The following SH3BP4 variants were observed in gnomAD, a reference collection of about 807,000 sequenced individuals.
The protein encoded by SH3BP4 is SH3 domain binding protein 4, also known as SH3 domain-binding protein 4.
Under a neutral mutation model 65.5 loss-of-function variants are expected in SH3BP4, and 33 were observed. The ratio of observed to expected loss-of-function variants is 0.50; its 90% CI spans 0.38 to 0.67. The LOEUF (loss-of-function observed/expected upper bound fraction) is 0.67. SH3BP4 is among the 30% of genes least tolerant of loss of function. SH3BP4 has a pLI of 0.00. For missense variants in SH3BP4, 1,134 were observed against 1,261.4 expected (o/e 0.90, Z 1.53); for synonymous variants, 552 against 545.5 (o/e 1.01, Z -0.17).
At chr2:235,036,858 A>G (rs1484304282) in intron 3 of SH3BP4, among the ~76,000 whole-genome samples, 1 of 152,112 alleles carries the variant, frequency 6.6e-6, no homozygotes, top group Non-Finnish European at 1.5e-5. Context: ...GGAGGAGGAC[A>G]GCCTCAAACA....
At chr2:235,018,027 C>T (rs557258610) in intron 2 of SH3BP4, among the ~76,000 whole-genome samples, 2 of 152,072 alleles carry the variant, frequency 1.3e-5, no homozygotes, top group Non-Finnish European at 2.9e-5. Flanking sequence ...GGGGCCCTGG[C>T]AGATCTCCAT....
At position 235,045,111 on chromosome 2, in the gene SH3BP4, G is replaced by T. The variant is rs1246764075; in HGVS notation, c.2478+1864G>T. Among the ~76,000 whole-genome samples, 1 of 152,176 alleles carries T rather than the reference G, an allele frequency of 6.6e-6. No homozygotes were observed. Among genetic ancestry groups the T allele is most frequent in the South Asian group, 2.1e-4 (1 of 4,828 alleles). Reference sequence around the variant, plus strand: ...TCCTGGCTCTCCAGAACCTGGTGCCGGGCCGTGGCCTGGTCTCCTCACGGG... The same window carrying T: ...TCCTGGCTCTCCAGAACCTGGTGCCTGGCCGTGGCCTGGTCTCCTCACGGG... On this transcript the variant is annotated intron_variant, in intron 4 of 5. Coordinates refer to ENST00000392011, the MANE Select transcript of SH3BP4 (RefSeq NM_014521.3). The surrounding 1 kb of genome is among the most constrained non-coding windows in gnomAD (Gnocchi z 4.3).
chr2:235,042,564 G>A lies in SH3BP4; in HGVS notation c.1795G>A (p.Ala599Thr), dbSNP rs746648251. Residue 599 changes from alanine (A) to threonine (T), a missense_variant, in exon 4 of 6, where the codon GCC becomes ACC. By Grantham distance (58) the Ala-to-Thr change is moderately conservative. Coordinates refer to ENST00000392011, the MANE Select transcript of SH3BP4 (RefSeq NM_014521.3). The surrounding 1 kb of genome is among the most constrained non-coding windows in gnomAD (Gnocchi z 7.3). The stretch of plus-strand genomic sequence containing the variant: ...GGTTCAGGTGAAGGACGACCAGGAG[G>A]CCATCCTCACCCAGTTTTGTGTCCA... ...LRVQVKDDQE[A>T]ILTQFCVQTP... The A allele has an allele frequency of 3.1e-6, 5 of 1,614,104 alleles. No individual in the cohort carries two copies. Among genetic ancestry groups the A allele is most frequent in the South Asian group, 1.1e-5 (1 of 91,080 alleles).
intron 1 of SH3BP4, among the ~76,000 whole-genome samples, chr2:234,958,336 C>T (rs1692633340): frequency 6.6e-6 from 1 of 152,134 alleles, no homozygotes. Flanking sequence ...AGTCATTCAA[C>T]TTCAGAGCCA....
chr2:235,050,630 A>G (rs939542262), intron 4 of SH3BP4, among the ~76,000 whole-genome samples: 15 of 152,148 alleles, frequency 9.9e-5, no homozygotes, highest in African/African-American at 2.9e-4. Context: ...TGGCTAATGC[A>G]TGCCACAAGT....
At chr2:235,022,346 G>A (rs1468583854) in intron 2 of SH3BP4, among the ~76,000 whole-genome samples, 2 of 152,054 alleles carry the variant, frequency 1.3e-5, no homozygotes, top group African/African-American at 4.8e-5. Flanking sequence ...TTGAGGTCAG[G>A]GGTTTGAGAC....
At chr2:235,031,216 GTTGACTCGTCTTCC>G (rs770372505) in intron 2 of SH3BP4, among the ~76,000 whole-genome samples, 11 of 152,144 alleles carry the variant, frequency 7.2e-5, no homozygotes, top group Non-Finnish European at 1.6e-4. Context: ...GTCCACAGTT[GTTGACTCGTCTTCC>G]TTGAATGGTT....
chr2:235,016,535 G>A (rs1362159382), intron 2 of SH3BP4, among the ~76,000 whole-genome samples: 1 of 152,024 alleles, frequency 6.6e-6, no homozygotes, highest in Non-Finnish European at 1.5e-5. Context: ...TTGAGACAGA[G>A]TCTCACTCTG....
intron 4 of SH3BP4, among the ~76,000 whole-genome samples, chr2:235,043,924 T>C (rs988670975): frequency 2.6e-5 from 4 of 152,264 alleles, no homozygotes; most frequent in African/African-American, 9.6e-5. Flanking sequence ...GCATTCCAGT[T>C]ACTTTTCCCA....
chr2:234,958,755 G>A (rs1022922997), intron 1 of SH3BP4, among the ~76,000 whole-genome samples: 3 of 152,094 alleles, frequency 2.0e-5, no homozygotes, highest in Non-Finnish European at 2.9e-5. Flanking sequence ...TATCATGTGC[G>A]GAGGATTTAT....
At chr2:235,039,905 C>G (rs982776424) in intron 3 of SH3BP4, among the ~76,000 whole-genome samples, 1 of 152,160 alleles carries the variant, frequency 6.6e-6, no homozygotes, top group Non-Finnish European at 1.5e-5. Flanking sequence ...GGTATGTAGA[C>G]AGTCTGTTTT....
At chr2:235,011,380 G>A (rs1694500153) in intron 2 of SH3BP4, among the ~76,000 whole-genome samples, 2 of 152,182 alleles carry the variant, frequency 1.3e-5, no homozygotes, top group Admixed American at 1.3e-4. Flanking sequence ...CCTCTTATAA[G>A]GACACCAGTG....
chr2:234,952,333 G>T lies in SH3BP4; in HGVS notation c.-207+163G>T, dbSNP rs1449026977. On this transcript the variant is annotated intron_variant, in intron 1 of 5. Transcript: ENST00000392011. This position sits in a 1 kb window ranked among gnomAD's most constrained non-coding sequence, Gnocchi z 6.5. ...TGAGTTCGGGGCTGCGCGGGTGCCT[G>T]GGCGTGGGGCGGCTTCGGGGAAGCC... 6.6e-6 allele frequency among the ~76,000 whole-genome samples: 1 copy of T among 150,648 alleles called. No individual in the cohort carries two copies. Among genetic ancestry groups the T allele is most frequent in the Non-Finnish European group, 1.5e-5 (1 of 67,496 alleles).
intron 2 of SH3BP4, among the ~76,000 whole-genome samples, chr2:235,020,993 A>G (rs887215992): frequency 6.6e-6 from 1 of 152,208 alleles, no homozygotes; most frequent in Non-Finnish European, 1.5e-5. Context: ...TTTTTGTTGG[A>G]ACATGATCCT....
rs938630380 is a variant in SH3BP4 at position 235,046,254 on chromosome 2, A to G, written c.2478+3007A>G. On this transcript the variant is annotated intron_variant, in intron 4 of 5. Coordinates refer to ENST00000392011, the MANE Select transcript of SH3BP4 (RefSeq NM_014521.3). The surrounding 1 kb of genome is among the most constrained non-coding windows in gnomAD (Gnocchi z 4.2). The stretch of plus-strand genomic sequence containing the variant: ...GCGCACTCCATCATCCTCTGTCTCC[A>G]TGGTGTTTCTTGAATCAGAAGCGGT... Among the ~76,000 whole-genome samples the G allele has an allele frequency of 2.0e-5, 3 of 152,176 alleles. No individual in the cohort carries two copies. The highest frequency in any genetic ancestry group is 7.2e-5 in the African/African-American group (3 of 41,516).
rs1195174067 is a variant in SH3BP4 at position 234,967,379 on chromosome 2, G to GCAGGAGC, written c.-207+15209_-207+15210insCAGGAGC. Among the ~76,000 whole-genome samples the GCAGGAGC allele has an allele frequency of 6.6e-6, 1 of 152,110 alleles. No homozygotes were observed. The highest frequency in any genetic ancestry group is 1.5e-5 in the Non-Finnish European group (1 of 68,002). ...GTGGGTAATCAGGAGGATGAGTTCA[G>GCAGGAGC]ACCTACAGCAGGAGCACTCCTTGGA... On this transcript the variant is annotated intron_variant, in intron 1 of 5. Transcript: ENST00000392011. This position sits in a 1 kb window ranked among gnomAD's most constrained non-coding sequence, Gnocchi z 4.6.
In SH3BP4 at chr2:235,042,256, G is replaced by A; in HGVS notation, c.1487G>A (p.Gly496Glu). ...TTCAAGACGGTAGTGACCATTTTTG[G>A]GCATGACTGTGCCCCAAAGACGCTC... ...PSFKTVVTIFGHDCAPKTLLV... is the reference protein window; with the variant it reads ...PSFKTVVTIFEHDCAPKTLLV... The change falls in exon 4 of 6, where the codon GGG (glycine) becomes GAG (glutamate). Residue 496 changes from glycine to glutamate, a missense_variant. Physicochemically the swap from Gly to Glu is moderately conservative, Grantham distance 98. Coordinates refer to ENST00000392011, the MANE Select transcript of SH3BP4 (RefSeq NM_014521.3). The surrounding 1 kb of genome is among the most constrained non-coding windows in gnomAD (Gnocchi z 7.3). The A allele has an allele frequency of 6.2e-7, 1 of 1,614,044 alleles. No individual in the cohort carries two copies. Among genetic ancestry groups the A allele is most frequent in the Non-Finnish European group, 8.5e-7 (1 of 1,180,028 alleles).
At position 235,041,294 on chromosome 2, in the gene SH3BP4, G is replaced by A. The variant is rs1266186537; in HGVS notation, c.525G>A (p.Val175=). The A allele has an allele frequency of 1.2e-6, 2 of 1,614,180 alleles. No individual in the cohort carries two copies. Among genetic ancestry groups the A allele is most frequent in the Non-Finnish European group, 1.7e-6 (2 of 1,180,042 alleles). ...CCAATCCATTTCTGAATGGGAACGTGCCCGTCATGCCCAGCCTGGATGAGC... is the reference window on the plus strand; with the variant it reads ...CCAATCCATTTCTGAATGGGAACGTACCCGTCATGCCCAGCCTGGATGAGC... The part of the protein sequence containing the change: ...VQTNPFLNGN[V]PVMPSLDELN... Residue 175 remains valine (V), a synonymous_variant, in exon 4 of 6, where the codon GTG becomes GTA. Coordinates refer to ENST00000392011, the MANE Select transcript of SH3BP4 (RefSeq NM_014521.3). The surrounding 1 kb of genome is among the most constrained non-coding windows in gnomAD (Gnocchi z 6.0).
At chr2:235,022,355 ACCAG>A (rs1039754701) in intron 2 of SH3BP4, among the ~76,000 whole-genome samples, 1 of 152,038 alleles carries the variant, frequency 6.6e-6, no homozygotes, top group African/African-American at 2.4e-5. Flanking sequence ...GGGGTTTGAG[ACCAG>A]CCTGGCCAAC....
Sources: gnomAD v4.1 joint callset for allele counts (sites outside exome capture counted in the v4.1 genomes callset) on GRCh38, gnomAD v4.1.1 for gene constraint, Gnocchi (gnomAD v3.1) non-coding constraint, MANE v1.5 for transcripts, NCBI Gene and HGNC (gene_info 2026-07-23, HGNC 2026-07-21) for gene names.